Variants in FLI1 observed in about 807,000 individuals in gnomAD.
The protein encoded by FLI1 is Fli-1 proto-oncogene, ETS transcription factor, also known as Friend leukemia integration 1 transcription factor.
Under a neutral mutation model 53.1 loss-of-function variants are expected in FLI1, and 13 were observed. The observed-to-expected ratio is 0.24, with a 90% CI of 0.16 to 0.39. The LOEUF is 0.39. FLI1 is among the 10% of genes least tolerant of loss of function. FLI1 has a pLI of 1.00. For missense variants in FLI1, 424 were observed against 600.5 expected (o/e 0.71, Z 3.07); for synonymous variants, 244 against 236.7 (o/e 1.03, Z -0.28).
intron 5 of FLI1, among the ~76,000 whole-genome samples, chr11:128,782,460 C>G (rs958699432): frequency 6.6e-6 from 1 of 152,064 alleles, no homozygotes; most frequent in African/African-American, 2.4e-5. Flanking sequence ...TTTGGGGGGC[C>G]GAAGTGGGTG....
intron 1 of FLI1, among the ~76,000 whole-genome samples, chr11:128,735,046 A>G (rs1460316568): frequency 1.3e-5 from 2 of 152,206 alleles, no homozygotes; most frequent in Admixed American, 1.3e-4. Context: ...ATGACCACGA[A>G]CGTAGTCCTT....
intron 1 of FLI1, among the ~76,000 whole-genome samples, chr11:128,734,453 C>T (rs1026480574): frequency 6.6e-6 from 1 of 152,238 alleles, no homozygotes; most frequent in African/African-American, 2.4e-5. Context: ...ATAATTCAAC[C>T]TGTTTAAAAC....
chr11:128,740,823 T>C (rs1452600492), intron 1 of FLI1, among the ~76,000 whole-genome samples: 1 of 152,012 alleles, frequency 6.6e-6, no homozygotes, highest in Non-Finnish European at 1.5e-5. Context: ...GGGTGGTAGG[T>C]GGTTGCTTAG....
chr11:128,803,326 C>A (rs1396530139), intron 5 of FLI1, among the ~76,000 whole-genome samples: 3 of 152,168 alleles, frequency 2.0e-5, no homozygotes, highest in Non-Finnish European at 4.4e-5. Flanking sequence ...CGCCAAGGTC[C>A]CAGAGTTTGC....
chr11:128,773,099 G>C (rs115426289), intron 4 of FLI1, 114 bp downstream of exon 4: 7 of 963,286 alleles, frequency 7.3e-6, no homozygotes, highest in South Asian at 1.4e-5. Flanking sequence ...GAGCAGCATC[G>C]TGGGGCCTGT....
upstream of FLI1, chr11:128,686,480 AACCACTCGG>A (rs775572131): frequency 7.2e-4 from 328 of 456,458 alleles, 2 homozygotes; most frequent in Middle Eastern, 3.3e-3. Context: ...CTCAACACCC[AACCACTCGG>A]ACCCTCCCTC....
At chr11:128,770,678 ATTGAAT>A in intron 3 of FLI1, among the ~76,000 whole-genome samples, 1 of 152,366 alleles carries the variant, frequency 6.6e-6, no homozygotes, top group East Asian at 1.9e-4. Context: ...ATGGTGTAAA[ATTGAAT>A]TTGAGGCCTT....
chr11:128,688,203 T>G (rs1323328597), intron 1 of FLI1, among the ~76,000 whole-genome samples: 1 of 152,030 alleles, frequency 6.6e-6, no homozygotes, highest in African/African-American at 2.4e-5. Flanking sequence ...ACCTCAGGGA[T>G]GAGGAGCCCT....
intron 1 of FLI1, among the ~76,000 whole-genome samples, chr11:128,756,645 T>C (rs1940871109): frequency 6.6e-6 from 1 of 152,232 alleles, no homozygotes. Context: ...ACTTTGCATG[T>C]ATTATCACAA....
chr11:128,760,152 T>C (rs937145046), intron 2 of FLI1, among the ~76,000 whole-genome samples: 3 of 152,228 alleles, frequency 2.0e-5, no homozygotes, highest in African/African-American at 7.2e-5. Flanking sequence ...TCGAAGGACA[T>C]GGTGTGTTGA....
chr11:128,786,951 C>T (rs1942105490), intron 5 of FLI1, among the ~76,000 whole-genome samples: 2 of 152,314 alleles, frequency 1.3e-5, no homozygotes, highest in African/African-American at 4.8e-5. Context: ...TGCCATTGAA[C>T]ACGGAAACTG....
chr11:128,758,649 G>T (rs996662458), intron 2 of FLI1, among the ~76,000 whole-genome samples: 11 of 152,304 alleles, frequency 7.2e-5, no homozygotes, highest in African/African-American at 2.6e-4. Context: ...TCCTGTTGGG[G>T]ACAGCTTAGC....
At chr11:128,808,456 T>C (rs924051464) in intron 7 of FLI1, among the ~76,000 whole-genome samples, 1 of 152,190 alleles carries the variant, frequency 6.6e-6, no homozygotes, top group African/African-American at 2.4e-5. Context: ...AATAAACACA[T>C]ACGTTTTGAG....
At chr11:128,742,760 G>T (rs1940195260) in intron 1 of FLI1, among the ~76,000 whole-genome samples, 1 of 152,302 alleles carries the variant, frequency 6.6e-6, no homozygotes, top group South Asian at 2.1e-4. Context: ...AGAAGTTTAG[G>T]TAAAGGTTTT....
intron 5 of FLI1, among the ~76,000 whole-genome samples, chr11:128,795,559 ATTT>A (rs33948261): frequency 4.4e-5 from 6 of 136,456 alleles, no homozygotes; most frequent in Admixed American, 7.4e-5. Flanking sequence ...ATAGAAAGCA[ATTT>A]TTTTTTTTTT....
intron 1 of FLI1, among the ~76,000 whole-genome samples, chr11:128,703,551 T>G (rs777598395): frequency 1.3e-5 from 2 of 151,948 alleles, no homozygotes; most frequent in Non-Finnish European, 2.9e-5. Flanking sequence ...AGCAAAAAGT[T>G]CCAAAATATT....
chr11:128,776,219 C>T (rs1941721735), intron 4 of FLI1, among the ~76,000 whole-genome samples: 1 of 152,172 alleles, frequency 6.6e-6, no homozygotes, highest in African/African-American at 2.4e-5. Flanking sequence ...GGTGCTTGTT[C>T]TTCACACCTG....
At chr11:128,742,517 C>T (rs1244278515) in intron 1 of FLI1, among the ~76,000 whole-genome samples, 1 of 152,204 alleles carries the variant, frequency 6.6e-6, no homozygotes, top group Non-Finnish European at 1.5e-5. Context: ...CCTGTGCTCT[C>T]CAAGATGGTA....
chr11:128,716,679 C>T (rs772982405), intron 1 of FLI1, among the ~76,000 whole-genome samples: 1 of 152,138 alleles, frequency 6.6e-6, no homozygotes, highest in Non-Finnish European at 1.5e-5. Flanking sequence ...CTGGGCTTCC[C>T]ACTCTCCTCT....
Sources: gnomAD v4.1 joint callset for allele counts (sites outside exome capture counted in the v4.1 genomes callset) on GRCh38, gnomAD v4.1.1 for gene constraint, MANE v1.5 for transcripts, NCBI Gene and HGNC (gene_info 2026-07-23, HGNC 2026-07-21) for gene names.